Variants in ZNF236 observed in about 807,000 individuals in gnomAD.
The protein encoded by ZNF236 is regulated by glucose.
A neutral mutation model predicts 191.2 loss-of-function variants in ZNF236; 50 were observed. The observed-to-expected ratio is 0.26, with a 90% CI of 0.21 to 0.33. ZNF236 has a LOEUF of 0.33. Among genes scored for constraint, ZNF236 ranks in the 10% least tolerant of loss-of-function variants. The pLI, the probability that ZNF236 is intolerant of heterozygous loss-of-function variation, is 1.00. For synonymous variants in ZNF236, 907 were observed against 928.8 expected (o/e 0.98, Z 0.43); for missense variants, 1,754 against 2,374.5 (o/e 0.74, Z 5.43).
chr18:76,863,826 A>G (rs937746140), intron 3 of ZNF236, among the ~76,000 whole-genome samples: 5 of 152,230 alleles, frequency 3.3e-5, no homozygotes, highest in Non-Finnish European at 7.3e-5. Context: ...CTTACCCTTA[A>G]AGAATCACTG....
intron 27 of ZNF236, among the ~76,000 whole-genome samples, chr18:76,952,040 C>T (rs9958839): frequency 0.031 from 4,749 of 152,184 alleles, 240 homozygotes; most frequent in African/African-American, 0.11. Context: ...CATCAAAGAT[C>T]GCTAATCACA....
chr18:76,913,665 G>A, intron 17 of ZNF236, 82 bp from the exon 18 acceptor site: 1 of 1,475,234 alleles, frequency 6.8e-7, no homozygotes, highest in Non-Finnish European at 9.3e-7. Context: ...AAGCTTGTTT[G>A]CTTTTCTTCC....
chr18:76,852,881 A>G (rs1324207456), intron 3 of ZNF236, among the ~76,000 whole-genome samples: 4 of 152,190 alleles, frequency 2.6e-5, no homozygotes, highest in Non-Finnish European at 5.9e-5. Flanking sequence ...GTGGTGTGAA[A>G]GCAAACACAT....
chr18:76,968,086 C>G lies in ZNF236; in HGVS notation c.5420-129C>G, dbSNP rs751161298. 4.8e-4 allele frequency: 598 copies of G among 1,235,166 alleles called. 1 individual carries two copies. Among genetic ancestry groups the G allele is most frequent in the Non-Finnish European group, 6.2e-4 (536 of 868,650 alleles). 76.5% of individuals were successfully genotyped at this position (1,235,166 alleles called of 1,614,324 possible). ...TGCAGCTCAAATTACTCTTTTTTCA[C>G]TGGAATGAAAAGCAAATTACTTTAG... On this transcript the variant is annotated intron_variant, in intron 30 of 30. Coordinates refer to ENST00000320610, the MANE Select transcript of ZNF236 (RefSeq NM_001306089.2).
In ZNF236 at chr18:76,851,942, AAT is replaced by A. The variant is rs754732694; in HGVS notation, c.363+4_363+5del. The A allele has an allele frequency of 3.7e-6, 6 of 1,603,782 alleles. No individual in the cohort carries two copies. In the South Asian group the frequency reaches 6.8e-5, roughly 18 times the overall value. On this transcript the variant is annotated splice_donor_5th_base_variant and intron_variant, in intron 3 of 30. Coordinates refer to ENST00000320610, the MANE Select transcript of ZNF236 (RefSeq NM_001306089.2). ...TTATGCTACATGAAAAGGAAGAGGT[AAT>A]CATCATCATTTTGCATATACTTTGT...
rs760428863 is a variant in ZNF236 at position 76,927,030 on chromosome 18, T to C, written c.4028-7T>C. The C allele has an allele frequency of 6.3e-7, 1 of 1,594,728 alleles. No homozygotes were observed. The highest frequency in any genetic ancestry group is 8.6e-7 in the Non-Finnish European group (1 of 1,167,500). ...TTTGATCATTCTCTTTCTCTTTCTC[T>C]GGCCAGCTGGGGGTGACCTGACCGT... is the stretch of plus-strand genomic sequence containing the variant. On this transcript the variant is annotated splice_region_variant and splice_polypyrimidine_tract_variant and intron_variant, in intron 22 of 30. Transcript: ENST00000320610. The surrounding 1 kb of genome is among the most constrained non-coding windows in gnomAD (Gnocchi z 5.4).
At chr18:76,879,650 C>A (rs1022022702) in intron 7 of ZNF236, among the ~76,000 whole-genome samples, 3 of 152,198 alleles carry the variant, frequency 2.0e-5, no homozygotes, top group Admixed American at 6.5e-5. Flanking sequence ...CAGCCCTTTC[C>A]TCTGACTTAG....
At chr18:76,901,601 T>C (rs1483665101) in intron 11 of ZNF236, among the ~76,000 whole-genome samples, 1 of 151,856 alleles carries the variant, frequency 6.6e-6, no homozygotes, top group African/African-American at 2.4e-5. Flanking sequence ...CTACTAGAAA[T>C]ACATAAATTA....
At chr18:76,896,447 G>GGTACCACACACAGGTACCACA (rs1232109113) in intron 10 of ZNF236, among the ~76,000 whole-genome samples, 3 of 146,104 alleles carry the variant, frequency 2.1e-5, no homozygotes, top group Non-Finnish European at 4.5e-5. Context: ...ACTAAATACA[G>GGTACCACACACAGGTACCACA]GTACCACACA....
At chr18:76,854,270 C>T (rs1284469102) in intron 3 of ZNF236, among the ~76,000 whole-genome samples, 2 of 152,094 alleles carry the variant, frequency 1.3e-5, no homozygotes, top group South Asian at 2.1e-4. Context: ...GTATTTCAAA[C>T]TTTTTTCTAT....
In ZNF236 at chr18:76,968,950, G is replaced by A; in HGVS notation, c.*611G>A. On this transcript the variant is annotated 3_prime_UTR_variant, in exon 31 of 31. Transcript: ENST00000320610. Reference sequence around the variant, plus strand: ...CTCCATGACAAATGTTTAATCATTAGTTACAAGAATGCAGTATCTGGGGCG... The same window carrying A: ...CTCCATGACAAATGTTTAATCATTAATTACAAGAATGCAGTATCTGGGGCG... 1.0e-6 allele frequency: 1 copy of A among 985,888 alleles called. No individual in the cohort carries two copies. Among genetic ancestry groups the A allele is most frequent in the Non-Finnish European group, 1.2e-6 (1 of 830,022 alleles). 61.1% of individuals were successfully genotyped at this position (985,888 alleles called of 1,614,324 possible).
intron 5 of ZNF236, among the ~76,000 whole-genome samples, chr18:76,873,858 C>T (rs549633584): frequency 4.6e-5 from 7 of 151,456 alleles, no homozygotes; most frequent in Non-Finnish European, 8.8e-5. Flanking sequence ...GACTGGGCCA[C>T]GCTGTCACCG....
chr18:76,882,450 A>G (rs1976926626), intron 9 of ZNF236, among the ~76,000 whole-genome samples: 1 of 152,186 alleles, frequency 6.6e-6, no homozygotes, highest in Admixed American at 6.5e-5. Context: ...TCATTTCTGA[A>G]CACCCCACAG....
chr18:76,857,542 A>C (rs1312991453), intron 3 of ZNF236, among the ~76,000 whole-genome samples: 1 of 152,184 alleles, frequency 6.6e-6, no homozygotes, highest in Non-Finnish European at 1.5e-5. Context: ...CAAAAGACAC[A>C]GTGCAAAGCA....
rs962469902 is a variant in ZNF236, at chr18:76,971,305, C to G, written c.*2966C>G. On this transcript the variant is annotated 3_prime_UTR_variant, in exon 31 of 31. Coordinates refer to ENST00000320610, the MANE Select transcript of ZNF236 (RefSeq NM_001306089.2). ...CACCCCCATCAAGCTCTACTTTTTC[C>G]CCTTTGAAAAACTTGAGGCACTTAG... Among the ~76,000 whole-genome samples, 26 of 152,118 alleles carry G rather than the reference C, an allele frequency of 1.7e-4. No homozygotes were observed. The highest frequency in any genetic ancestry group is 1.5e-3 in the Admixed American group (23 of 15,280).
At chr18:76,827,426 T>TCC (rs1463114667) in intron 1 of ZNF236, among the ~76,000 whole-genome samples, 1 of 151,598 alleles carries the variant, frequency 6.6e-6, no homozygotes, top group African/African-American at 2.4e-5. Context: ...GACCTCGTGA[T>TCC]CCCCCCACGT....
At position 76,912,345 on chromosome 18, in the gene ZNF236, C is replaced by T; in HGVS notation, c.2907C>T (p.Tyr969=). The T allele has an allele frequency of 1.9e-6, 3 of 1,612,916 alleles. No homozygotes were observed. Among genetic ancestry groups the T allele is most frequent in the Non-Finnish European group, 2.5e-6 (3 of 1,179,130 alleles). Residue 969 remains tyrosine (Y), a splice_region_variant and synonymous_variant, in exon 17 of 31, where the codon TAC becomes TAT. Transcript: ENST00000320610. Reference sequence around the variant, plus strand: ...ACGAGGACCAGAGCAGGCGCTCTTACAGGTAGTTGTCTGCACAGACCAGCT... The same window carrying T: ...ACGAGGACCAGAGCAGGCGCTCTTATAGGTAGTTGTCTGCACAGACCAGCT... ...EDNEDQSRRS[Y]RCDYCNKGFK... is the part of the protein sequence containing the mutation.
At chr18:76,859,796 G>A (rs537440843) in intron 3 of ZNF236, among the ~76,000 whole-genome samples, 1 of 152,282 alleles carries the variant, frequency 6.6e-6, no homozygotes, top group South Asian at 2.1e-4. Flanking sequence ...TTCATGGGCT[G>A]GGGCTGAGGC....
intron 1 of ZNF236, among the ~76,000 whole-genome samples, chr18:76,845,803 C>T (rs958206594): frequency 2.0e-5 from 3 of 151,682 alleles, no homozygotes; most frequent in East Asian, 1.9e-4. Flanking sequence ...GAGCAGAGAT[C>T]GCACCATTGC....
Sources: gnomAD v4.1 joint callset for allele counts (sites outside exome capture counted in the v4.1 genomes callset) on GRCh38, gnomAD v4.1.1 for gene constraint, Gnocchi (gnomAD v3.1) non-coding constraint, MANE v1.5 for transcripts, NCBI Gene and HGNC (gene_info 2026-07-23, HGNC 2026-07-21) for gene names.